Variants in AGAP1 observed in about 807,000 individuals in gnomAD.
The protein encoded by AGAP1 is arf-GAP with GTPase, ANK repeat and PH domain-containing protein 1.
AGAP1 carries 29 observed loss-of-function variants against 105.3 expected under a neutral mutation model. The ratio of observed to expected loss-of-function variants is 0.28; its 90% CI spans 0.21 to 0.38. The LOEUF (loss-of-function observed/expected upper bound fraction) is 0.38, where lower values mean the gene tolerates loss of function less well. AGAP1 is among the 10% of genes least tolerant of loss of function. AGAP1 has a pLI of 1.00. For synonymous variants in AGAP1, 509 were observed against 485.9 expected (o/e 1.05, Z -0.63); for missense variants, 998 against 1,165.1 (o/e 0.86, Z 2.09).
chr2:235,525,596 C>T (rs567173104), intron 1 of AGAP1, among the ~76,000 whole-genome samples: 16 of 114,188 alleles, frequency 1.4e-4, no homozygotes, highest in South Asian at 3.0e-4. Flanking sequence ...AGAGGACTGA[C>T]ACATAATGTG....
At chr2:236,043,453 A>G (rs1477982993) in intron 15 of AGAP1, among the ~76,000 whole-genome samples, 1 of 152,202 alleles carries the variant, frequency 6.6e-6, no homozygotes, top group African/African-American at 2.4e-5. Context: ...GAGCCTGGGC[A>G]CGGTGGCTCA....
chr2:235,573,973 T>G (rs537296628), intron 1 of AGAP1, among the ~76,000 whole-genome samples: 1 of 152,358 alleles, frequency 6.6e-6, no homozygotes, highest in East Asian at 1.9e-4. Flanking sequence ...TCGCACAACC[T>G]TTTTATTGAC....
intron 8 of AGAP1, among the ~76,000 whole-genome samples, chr2:235,804,657 T>G (rs1223413127): frequency 6.6e-6 from 1 of 152,208 alleles, no homozygotes; most frequent in African/African-American, 2.4e-5. Flanking sequence ...GCAGGGGAAG[T>G]TAAACATTTT....
At chr2:235,558,238 C>G (rs1016035340) in intron 1 of AGAP1, among the ~76,000 whole-genome samples, 2 of 152,094 alleles carry the variant, frequency 1.3e-5, no homozygotes, top group Non-Finnish European at 2.9e-5. Context: ...GGAGATGGAC[C>G]AGGCTCTCCT....
chr2:236,066,862 T>A (rs1284054666), intron 16 of AGAP1, among the ~76,000 whole-genome samples: 1 of 152,180 alleles, frequency 6.6e-6, no homozygotes, highest in African/African-American at 2.4e-5. Flanking sequence ...GATAGGTTAG[T>A]TTTGCCTCTT....
intron 6 of AGAP1, among the ~76,000 whole-genome samples, chr2:235,776,182 G>A (rs1009213442): frequency 1.3e-5 from 2 of 152,188 alleles, no homozygotes; most frequent in African/African-American, 4.8e-5. Context: ...CAGTGTCTAG[G>A]ATGTGGTGAA....
intron 16 of AGAP1, among the ~76,000 whole-genome samples, chr2:236,064,428 T>TAA (rs889655706): frequency 6.7e-6 from 1 of 148,484 alleles, no homozygotes; most frequent in Admixed American, 6.7e-5. Flanking sequence ...CTGTCTGTAC[T>TAA]AAAAAAAAAA....
chr2:235,801,417 A>AG lies in AGAP1; in HGVS notation c.957+1897dup, dbSNP rs1025457506. Among the ~76,000 whole-genome samples the AG allele has an allele frequency of 3.5e-4, 53 of 152,012 alleles. No individual in the cohort carries two copies. Among genetic ancestry groups the AG allele is most frequent in the Non-Finnish European group, 8.8e-5 (6 of 68,012 alleles). ...TGTTAAGCATATGTGATAGATTAGGAGGTGGGTATTTAGGTTTCTGTAAAA... is the reference window on the plus strand; with the variant it reads ...TGTTAAGCATATGTGATAGATTAGGAGGGTGGGTATTTAGGTTTCTGTAAAA... On this transcript the variant is annotated intron_variant, in intron 8 of 17. Transcript: ENST00000304032. This position sits in a 1 kb window ranked among gnomAD's most constrained non-coding sequence, Gnocchi z 6.0.
In AGAP1 at chr2:235,973,182, C is replaced by T. The variant is rs1471768490; in HGVS notation, c.1645+4559C>T. Among the ~76,000 whole-genome samples, 4 of 152,130 alleles carry T rather than the reference C, an allele frequency of 2.6e-5. No homozygotes were observed. The highest frequency in any genetic ancestry group is 5.9e-5 in the Non-Finnish European group (4 of 68,020). On this transcript the variant is annotated intron_variant, in intron 13 of 17. Coordinates refer to ENST00000304032, the MANE Select transcript of AGAP1 (RefSeq NM_001037131.3). The surrounding 1 kb of genome is among the most constrained non-coding windows in gnomAD (Gnocchi z 4.7). ...GTTCCTGCCCTGGAGTTTCTCCCTG[C>T]GCAGGTGCTCGCTGTGCTCTTTTTG...
intron 1 of AGAP1, among the ~76,000 whole-genome samples, chr2:235,678,085 G>C (rs149406376): frequency 6.6e-6 from 1 of 151,758 alleles, no homozygotes; most frequent in African/African-American, 2.4e-5. Context: ...TTATGGTGCC[G>C]GTGAGCCTGC....
chr2:236,111,807 A>G (rs2059652723), intron 16 of AGAP1, among the ~76,000 whole-genome samples: 2 of 150,280 alleles, frequency 1.3e-5, no homozygotes, highest in African/African-American at 4.9e-5. Context: ...AAAAAAAAAA[A>G]GAAAGGGTCC....
At chr2:236,015,797 GA>G (rs1219051069) in intron 13 of AGAP1, among the ~76,000 whole-genome samples, 4 of 152,138 alleles carry the variant, frequency 2.6e-5, no homozygotes, top group Non-Finnish European at 4.4e-5. Flanking sequence ...CTTATTTGGG[GA>G]TTATTATAAC....
chr2:235,676,600 T>A (rs1010190108), intron 1 of AGAP1, among the ~76,000 whole-genome samples: 1 of 152,200 alleles, frequency 6.6e-6, no homozygotes, highest in Admixed American at 6.5e-5. Context: ...TTATTCCTGT[T>A]CCCCAGATCC....
Position 235,883,268 on chromosome 2 carries a change from T to C in AGAP1, c.1051-77T>C, listed in dbSNP as rs560740140. ...TCTGCACACACACAGAACTTGAATG[T>C]ATATGTTGCCTGTGTACCTGCCTTT... On this transcript the variant is annotated intron_variant, in intron 9 of 17. Transcript: ENST00000304032. This position sits in a 1 kb window ranked among gnomAD's most constrained non-coding sequence, Gnocchi z 4.5. The C allele has an allele frequency of 4.1e-6, 5 of 1,223,982 alleles. No individual in the cohort carries two copies. In the African/African-American group the frequency reaches 4.5e-5, roughly 11 times the overall value. 75.8% of individuals were successfully genotyped at this position (1,223,982 alleles called of 1,614,324 possible).
rs564390266 is a variant in AGAP1, at chr2:235,863,659, G to A, written c.1051-19686G>A. The stretch of plus-strand genomic sequence containing the variant: ...TGGGCCCGAGGTCATCGAAGGCCCC[G>A]GTGGGGAGAGCACATGGCTAACTAC... On this transcript the variant is annotated intron_variant, in intron 9 of 17. Transcript: ENST00000304032. Among the ~76,000 whole-genome samples the A allele has an allele frequency of 4.6e-5, 7 of 152,326 alleles. No individual in the cohort carries two copies. The South Asian group carries it at 8.3e-4, about 18-fold the overall frequency.
intron 9 of AGAP1, among the ~76,000 whole-genome samples, chr2:235,833,207 T>C (rs545016735): frequency 6.6e-6 from 1 of 152,178 alleles, no homozygotes; most frequent in Admixed American, 6.5e-5. Flanking sequence ...GGAAGCACCG[T>C]CGGCCTGCCG....
In AGAP1 at chr2:235,665,628, C is replaced by T. The variant is rs974597380; in HGVS notation, c.164-43551C>T. Among the ~76,000 whole-genome samples, 11 of 152,128 alleles carry T rather than the reference C, an allele frequency of 7.2e-5. No homozygotes were observed. The highest frequency in any genetic ancestry group is 1.5e-4 in the Non-Finnish European group (10 of 68,044). ...ATATAAAAGTATTAATAAGACGTTA[C>T]TGTCTTGGTAATTGCTTCTTCTTAC... On this transcript the variant is annotated intron_variant, in intron 1 of 17. Coordinates refer to ENST00000304032, the MANE Select transcript of AGAP1 (RefSeq NM_001037131.3). This position sits in a 1 kb window ranked among gnomAD's most constrained non-coding sequence, Gnocchi z 5.3.
At chr2:235,895,743 ATGGATGAATGG>A (rs2050775323) in intron 10 of AGAP1, among the ~76,000 whole-genome samples, 2 of 61,410 alleles carry the variant, frequency 3.3e-5, no homozygotes, top group Admixed American at 1.5e-4. Flanking sequence ...GGATGGATGG[ATGGATGAATGG>A]AGGCACAATT....
chr2:235,820,038 A>C (rs911258295), intron 9 of AGAP1, among the ~76,000 whole-genome samples: 1 of 151,470 alleles, frequency 6.6e-6, no homozygotes, highest in Non-Finnish European at 1.5e-5. Flanking sequence ...CGGCTAGCTG[A>C]GATTACAGGC....
Sources: allele counts gnomAD v4.1 joint callset (sites outside exome capture counted in the v4.1 genomes callset), GRCh38; gene constraint gnomAD v4.1.1; non-coding constraint Gnocchi (gnomAD v3.1); transcripts MANE v1.5; gene names NCBI Gene and HGNC (gene_info 2026-07-23, HGNC 2026-07-21).